ABHD17B: variants seen among roughly 807,000 people sequenced by gnomAD.
The protein encoded by ABHD17B is alpha/beta hydrolase domain-containing protein 17B.
ABHD17B carries 9 observed loss-of-function variants against 26.2 expected under a neutral mutation model. The ratio of observed to expected loss-of-function variants is 0.34; its 90% CI spans 0.21 to 0.60. The LOEUF (loss-of-function observed/expected upper bound fraction) is 0.60, where lower values mean the gene tolerates loss of function less well. Ranked by LOEUF, ABHD17B falls within the 20% of genes least tolerant of loss-of-function variation. The probability of loss-of-function intolerance (pLI) is 0.80; values close to 1 mark genes in which losing one functional copy is unlikely to be tolerated. For missense variants in ABHD17B, 224 were observed against 352.1 expected (o/e 0.64, Z 2.91); for synonymous variants, 127 against 122.3 (o/e 1.04, Z -0.25).
chr9:71,905,633 G>A (rs1221347064), intron 1 of ABHD17B, among the ~76,000 whole-genome samples: 1 of 152,120 alleles, frequency 6.6e-6, no homozygotes, highest in Non-Finnish European at 1.5e-5. Context: ...TTATAAACCA[G>A]GGCAATCTTT....
chr9:71,864,489 G>T (rs188946041), downstream of ABHD17B, among the ~76,000 whole-genome samples: 730 of 152,128 alleles, frequency 4.8e-3, 4 homozygotes, highest in African/African-American at 0.016. Context: ...AAAGTACTGG[G>T]ATTACAGACA....
intron 1 of ABHD17B, among the ~76,000 whole-genome samples, chr9:71,883,679 G>A (rs539466334): frequency 2.6e-5 from 4 of 152,356 alleles, no homozygotes; most frequent in South Asian, 4.1e-4. Flanking sequence ...GCTCACGCCT[G>A]TAATCCTAGC....
At chr9:71,887,870 GACTT>G (rs754099873) in intron 1 of ABHD17B, among the ~76,000 whole-genome samples, 2 of 152,162 alleles carry the variant, frequency 1.3e-5, no homozygotes, top group African/African-American at 2.4e-5. Flanking sequence ...TTATGACACA[GACTT>G]ATTTCTAACC....
intron 1 of ABHD17B, among the ~76,000 whole-genome samples, chr9:71,907,624 G>A (rs2132218729): frequency 6.6e-6 from 1 of 152,240 alleles, no homozygotes; most frequent in East Asian, 1.9e-4. Context: ...CGATTCTCCT[G>A]CCTCAGCCTC....
chr9:71,903,979 G>A (rs1369401224), intron 1 of ABHD17B, among the ~76,000 whole-genome samples: 2 of 152,134 alleles, frequency 1.3e-5, no homozygotes, highest in African/African-American at 4.8e-5. Context: ...ACTTAAAGGT[G>A]GAGAGAGCCA....
intron 3 of ABHD17B, among the ~76,000 whole-genome samples, chr9:71,869,050 T>C (rs568191759): frequency 4.6e-5 from 7 of 152,270 alleles, no homozygotes; most frequent in Admixed American, 2.0e-4. Flanking sequence ...GGGAGCTAGA[T>C]GGAGACATAA....
chr9:71,899,614 A>T (rs755291043), intron 1 of ABHD17B, among the ~76,000 whole-genome samples: 1 of 152,204 alleles, frequency 6.6e-6, no homozygotes, highest in Non-Finnish European at 1.5e-5. Flanking sequence ...TTGTGGAAGG[A>T]GCACTAGCCC....
intron 1 of ABHD17B, among the ~76,000 whole-genome samples, chr9:71,890,404 C>G (rs920997128): frequency 6.6e-6 from 1 of 152,136 alleles, no homozygotes; most frequent in Non-Finnish European, 1.5e-5. Context: ...TATAGCTGAA[C>G]CTGTATTTCT....
chr9:71,899,077 T>C (rs1297285374), intron 1 of ABHD17B, among the ~76,000 whole-genome samples: 3 of 151,552 alleles, frequency 2.0e-5, no homozygotes, highest in Non-Finnish European at 2.9e-5. Flanking sequence ...TGAGCCGAGA[T>C]TGTGCCACTG....
chr9:71,887,423 T>C (rs1826643486), intron 1 of ABHD17B, among the ~76,000 whole-genome samples: 1 of 152,240 alleles, frequency 6.6e-6, no homozygotes, highest in African/African-American at 2.4e-5. Context: ...AGAAGTCCTA[T>C]TTATTTTAAT....
chr9:71,898,712 C>A (rs975371505), intron 1 of ABHD17B, among the ~76,000 whole-genome samples: 54 of 151,486 alleles, frequency 3.6e-4, no homozygotes, highest in African/African-American at 1.2e-3. Flanking sequence ...AAAAACAAAT[C>A]TCTGGCTGGG....
Position 71,899,354 on chromosome 9 carries a change from C to T in ABHD17B, c.-4+11280G>A, listed in dbSNP as rs1228269765. 2.6e-5 allele frequency among the ~76,000 whole-genome samples: 4 copies of T among 152,168 alleles called. 1 individual carries two copies. The highest frequency in any genetic ancestry group is 2.6e-4 in the Admixed American group (4 of 15,286). ...CAAATCCTTTATTTGAGATGAATCT[C>T]ATAGGCTGAGCCTGTAGTTTTTATT... On this transcript the variant is annotated intron_variant, in intron 1 of 3. Transcript: ENST00000333421.
At chr9:71,883,845 A>G (rs1285535011) in intron 1 of ABHD17B, among the ~76,000 whole-genome samples, 1 of 152,006 alleles carries the variant, frequency 6.6e-6, no homozygotes, top group Non-Finnish European at 1.5e-5. Context: ...GCTGAGGCAG[A>G]AGAATCACTT....
intron 1 of ABHD17B, among the ~76,000 whole-genome samples, chr9:71,904,157 TC>T (rs1275321526): frequency 6.6e-6 from 1 of 152,254 alleles, no homozygotes; most frequent in African/African-American, 2.4e-5. Flanking sequence ...CTCTATGTTT[TC>T]TTTTATTCCA....
chr9:71,893,384 G>A (rs752246648), intron 1 of ABHD17B, among the ~76,000 whole-genome samples: 10 of 152,016 alleles, frequency 6.6e-5, no homozygotes, highest in Non-Finnish European at 1.2e-4. Flanking sequence ...TATAAATTGG[G>A]GTTCCCACAA....
intron 3 of ABHD17B, 112 bp downstream of exon 3, chr9:71,869,971 A>AAT: frequency 1.0e-6 from 1 of 966,268 alleles, no homozygotes; most frequent in Non-Finnish European, 1.5e-6. Context: ...TCTATGTGCT[A>AAT]ATATATATAA....
chr9:71,872,935 G>A (rs1826155391), intron 2 of ABHD17B, among the ~76,000 whole-genome samples: 1 of 151,556 alleles, frequency 6.6e-6, no homozygotes. Flanking sequence ...TCCCTTTTAT[G>A]TAGAACTTCG....
chr9:71,875,898 G>A (rs953142552), intron 1 of ABHD17B, among the ~76,000 whole-genome samples: 1 of 152,196 alleles, frequency 6.6e-6, no homozygotes, highest in East Asian at 1.9e-4. Flanking sequence ...GTAAGTTGTT[G>A]TGAGAAAGGA....
At chr9:71,875,709 A>G (rs1274145034) in intron 1 of ABHD17B, among the ~76,000 whole-genome samples, 1 of 152,250 alleles carries the variant, frequency 6.6e-6, no homozygotes, top group East Asian at 1.9e-4. Flanking sequence ...AAGGTATGAA[A>G]TATCTTTAGT....
Sources: gnomAD v4.1 joint callset for allele counts (sites outside exome capture counted in the v4.1 genomes callset) on GRCh38, gnomAD v4.1.1 for gene constraint, MANE v1.5 for transcripts, NCBI Gene and HGNC (gene_info 2026-07-23, HGNC 2026-07-21) for gene names.